APH1B: variants seen among roughly 807,000 people sequenced by gnomAD.
APH1B encodes aph-1B gamma-secretase subunit.
A neutral mutation model predicts 28.2 loss-of-function variants in APH1B; 27 were observed. That is an observed-to-expected ratio of 0.96 (90% CI 0.70 to 1.32). APH1B has a LOEUF of 1.32. Ranked by LOEUF, APH1B falls within the 40% of genes most tolerant of loss-of-function variation. The probability of loss-of-function intolerance (pLI) is 0.00; values close to 1 mark genes in which losing one functional copy is unlikely to be tolerated. For missense variants in APH1B, 305 were observed against 313.6 expected (o/e 0.97, Z 0.21); for synonymous variants, 141 against 124.6 (o/e 1.13, Z -0.88).
rs1235176284 is a variant in APH1B, at chr15:63,307,579, C to A, written c.*1798C>A. On this transcript the variant is annotated 3_prime_UTR_variant, in exon 6 of 6. Coordinates refer to ENST00000261879, the MANE Select transcript of APH1B (RefSeq NM_031301.4). ...AGACTCAACAGTGACATTTATTGTACAACATCAAGGGGAATAGGATACTCA... is the reference window on the plus strand; with the variant it reads ...AGACTCAACAGTGACATTTATTGTAAAACATCAAGGGGAATAGGATACTCA... 2 of 152,152 alleles carry A rather than the reference C, an allele frequency of 1.3e-5. No individual in the cohort carries two copies. Among genetic ancestry groups the A allele is most frequent in the African/African-American group, 4.8e-5 (2 of 41,426 alleles). The allele number at this position is 152,152 out of a possible 1,614,324, so 9.4% of individuals were successfully genotyped here.
Position 63,302,336 on chromosome 15 carries a change from C to G in APH1B, c.479-9C>G. 4 of 1,613,440 alleles carry G rather than the reference C, an allele frequency of 2.5e-6. No individual in the cohort carries two copies. The highest frequency in any genetic ancestry group is 2.5e-6 in the Non-Finnish European group (3 of 1,179,742). On this transcript the variant is annotated splice_polypyrimidine_tract_variant and intron_variant, in intron 4 of 5. Coordinates refer to ENST00000261879, the MANE Select transcript of APH1B (RefSeq NM_031301.4). ...GTAGGAGTGACACTAATGGTCGGCTCTCTTTCAGCTTTCATGACGCTGGTC... is the reference window on the plus strand; with the variant it reads ...GTAGGAGTGACACTAATGGTCGGCTGTCTTTCAGCTTTCATGACGCTGGTC...
chr15:63,296,408 G>A (rs967147057), intron 4 of APH1B, among the ~76,000 whole-genome samples: 1 of 152,232 alleles, frequency 6.6e-6, no homozygotes, highest in Non-Finnish European at 1.5e-5. Flanking sequence ...CCTTTGGCTT[G>A]CTCTGACTTA....
chr15:63,277,854 A>T, intron 1 of APH1B, 118 bp downstream of exon 1: 1 of 962,294 alleles, frequency 1.0e-6, no homozygotes, highest in Admixed American at 2.9e-5. Context: ...AGACGGGAGG[A>T]GGGTTGAGAG....
Position 63,302,428 on chromosome 15 carries a change from A to G in APH1B, c.562A>G (p.Ile188Val). 6.2e-7 allele frequency: 1 copy of G among 1,614,072 alleles called. No individual in the cohort carries two copies. The highest frequency in any genetic ancestry group is 1.1e-5 in the South Asian group (1 of 91,070). The change falls in exon 5 of 6, where the codon ATC becomes GTC. Residue 188 changes from isoleucine (I) to valine (V), a missense_variant. Physicochemically the swap from Ile to Val is conservative, Grantham distance 29. Transcript: ENST00000261879. ...FDGCEKKKWGILLIVLLTHLL... is the reference protein window; with the variant it reads ...FDGCEKKKWGVLLIVLLTHLL... Reference sequence around the variant, plus strand: ...TGGCTGTGAGAAGAAAAAGTGGGGCATCCTCCTTATCGTTCTCCTGACCCA... The same window carrying G: ...TGGCTGTGAGAAGAAAAAGTGGGGCGTCCTCCTTATCGTTCTCCTGACCCA...
chr15:63,277,787 T>C (rs1238539279), intron 1 of APH1B, 51 bp downstream of exon 1: 1 of 1,550,794 alleles, frequency 6.4e-7, no homozygotes, highest in Non-Finnish European at 8.8e-7. Flanking sequence ...CCTCCCCCGC[T>C]GGGGTTACCC....
At chr15:63,295,543 G>C (rs555311996) in intron 4 of APH1B, among the ~76,000 whole-genome samples, 1 of 152,342 alleles carries the variant, frequency 6.6e-6, no homozygotes, top group African/African-American at 2.4e-5. Flanking sequence ...CAGTGAGCAG[G>C]AGTTAGAGCA....
At chr15:63,302,922 T>A (rs2152602298) in intron 5 of APH1B, among the ~76,000 whole-genome samples, 1 of 152,350 alleles carries the variant, frequency 6.6e-6, no homozygotes, top group Non-Finnish European at 1.5e-5. Context: ...TGGGGCCTTA[T>A]CTTCAATCTT....
At chr15:63,303,874 A>ACACACACAC (rs374335586) in intron 5 of APH1B, among the ~76,000 whole-genome samples, 5 of 145,598 alleles carry the variant, frequency 3.4e-5, no homozygotes, top group African/African-American at 1.0e-4. Flanking sequence ...ACACACACAC[A>ACACACACAC]ACACACACAC....
rs781023276 is a variant in APH1B at position 63,287,514 on chromosome 15, A to G, written c.446A>G (p.His149Arg). Reference sequence around the variant, plus strand: ...TTGGGGCCAGGCACAGTGGGCATTCATGGAGATTCTCCTCAATTCTTCCTT... The same window carrying G: ...TTGGGGCCAGGCACAGTGGGCATTCGTGGAGATTCTCCTCAATTCTTCCTT... ...DSLGPGTVGI[H>R]GDSPQFFLYS... The change falls in exon 4 of 6, where the codon CAT becomes CGT. Residue 149 changes from histidine to arginine, a missense_variant. Physicochemically the swap from His to Arg is conservative, Grantham distance 29. Transcript: ENST00000261879. 2.5e-6 allele frequency: 4 copies of G among 1,613,984 alleles called. No homozygotes were observed. The highest frequency in any genetic ancestry group is 1.7e-4 in the Middle Eastern group (1 of 6,060).
At chr15:63,279,950 A>G (rs753133742) in intron 2 of APH1B, among the ~76,000 whole-genome samples, 11 of 152,060 alleles carry the variant, frequency 7.2e-5, no homozygotes, top group Non-Finnish European at 1.6e-4. Flanking sequence ...GGTGTGCACC[A>G]CCATGCCCGG....
chr15:63,293,443 A>C (rs997017945), intron 4 of APH1B, among the ~76,000 whole-genome samples: 5 of 150,120 alleles, frequency 3.3e-5, no homozygotes, highest in African/African-American at 1.2e-4. Context: ...CTGGGATTAC[A>C]GGCGTAAGCC....
chr15:63,294,069 T>A lies in APH1B; in HGVS notation c.478+6523T>A, dbSNP rs78530512. 9.2e-3 allele frequency among the ~76,000 whole-genome samples: 1,397 copies of A among 152,070 alleles called. 18 individuals are homozygous for A. Among genetic ancestry groups the A allele is most frequent in the African/African-American group, 0.032 (1,311 of 41,428 alleles). ...CTGCTGCTTTTAATTTTCGGTGTTT[T>A]GGGGGTTTTGTTTCTTTTTCTTCAG... On this transcript the variant is annotated intron_variant, in intron 4 of 5. Coordinates refer to ENST00000261879, the MANE Select transcript of APH1B (RefSeq NM_031301.4).
In APH1B at chr15:63,305,630, A is replaced by G; in HGVS notation, c.623A>G (p.Tyr208Cys). The G allele has an allele frequency of 1.2e-6, 2 of 1,614,174 alleles. No homozygotes were observed. The highest frequency in any genetic ancestry group is 8.5e-7 in the Non-Finnish European group (1 of 1,180,012). The change falls in exon 6 of 6, where the codon TAT becomes TGT. Residue 208 changes from tyrosine to cysteine, a missense_variant. Tyr to Cys is a radical substitution (Grantham distance 194, BLOSUM62 -2). Coordinates refer to ENST00000261879, the MANE Select transcript of APH1B (RefSeq NM_031301.4). ...CTTTTGCAGACCTTCATAAGTTCTTATTATGGAATAAACCTGGCGTCAGCA... is the reference window on the plus strand; with the variant it reads ...CTTTTGCAGACCTTCATAAGTTCTTGTTATGGAATAAACCTGGCGTCAGCA... ...LVSAQTFISS[Y>C]YGINLASAFI...
intron 4 of APH1B, 34 bp from the exon 5 acceptor site, chr15:63,302,311 G>A (rs759157122): frequency 6.2e-7 from 1 of 1,610,476 alleles, no homozygotes; most frequent in Admixed American, 1.7e-5. Flanking sequence ...TCTGATACCT[G>A]TAGGAGTGAC....
rs201282161 is a variant in APH1B at position 63,288,130 on chromosome 15, CT to C, written c.478+588del. Among the ~76,000 whole-genome samples, 737 of 152,290 alleles carry C rather than the reference CT, an allele frequency of 4.8e-3. 4 individuals are homozygous for C. The highest frequency in any genetic ancestry group is 0.017 in the African/African-American group (701 of 41,562). On this transcript the variant is annotated intron_variant, in intron 4 of 5. Coordinates refer to ENST00000261879, the MANE Select transcript of APH1B (RefSeq NM_031301.4). The stretch of plus-strand genomic sequence containing the variant: ...TTCTTCTAAGTTCCACAAGAAGACT[CT>C]TTTAAAAATAGGGGGAGAACACCCA...
At chr15:63,280,990 A>C (rs914968772) in intron 2 of APH1B, among the ~76,000 whole-genome samples, 2 of 152,092 alleles carry the variant, frequency 1.3e-5, no homozygotes, top group African/African-American at 4.8e-5. Flanking sequence ...CTCTACAACA[A>C]ATACAAAAAT....
chr15:63,305,097 A>T (rs2038672703), intron 5 of APH1B, among the ~76,000 whole-genome samples: 1 of 152,232 alleles, frequency 6.6e-6, no homozygotes, highest in Non-Finnish European at 1.5e-5. Context: ...ACTAGTACAG[A>T]ACCTCCATTA....
rs142508963 is a variant in APH1B, at chr15:63,303,256, G to C, written c.606+784G>C. ...TCAGCCCCCAGGAGCCTCCCTGTTC[G>C]ACCAGTCACTGCCCCCACTGAGGGT... On this transcript the variant is annotated intron_variant, in intron 5 of 5. Transcript: ENST00000261879. Among the ~76,000 whole-genome samples, 1,065 of 152,178 alleles carry C rather than the reference G, an allele frequency of 7.0e-3. 8 individuals carry two copies. Among genetic ancestry groups the C allele is most frequent in the African/African-American group, 0.023 (962 of 41,524 alleles).
chr15:63,291,088 C>T (rs148480964), intron 4 of APH1B, among the ~76,000 whole-genome samples: 5 of 151,670 alleles, frequency 3.3e-5, no homozygotes, highest in South Asian at 2.1e-4. Flanking sequence ...GCAGAAATAA[C>T]GCCTAGCTCA....
Sources: gnomAD v4.1 joint callset for allele counts (sites outside exome capture counted in the v4.1 genomes callset) on GRCh38, gnomAD v4.1.1 for gene constraint, MANE v1.5 for transcripts, NCBI Gene and HGNC (gene_info 2026-07-23, HGNC 2026-07-21) for gene names.